TOX2: variants seen among roughly 807,000 people sequenced by gnomAD.
The protein encoded by TOX2 is TOX high mobility group box family member 2.
A neutral mutation model predicts 47.4 loss-of-function variants in TOX2; 15 were observed. The ratio of observed to expected loss-of-function variants is 0.32; its 90% CI spans 0.21 to 0.49. The LOEUF (loss-of-function observed/expected upper bound fraction) is 0.49, where lower values mean the gene tolerates loss of function less well. Among genes scored for constraint, TOX2 ranks in the 20% least tolerant of loss-of-function variants. The probability of loss-of-function intolerance (pLI) is 0.99; values close to 1 mark genes in which losing one functional copy is unlikely to be tolerated. For missense variants in TOX2, 622 were observed against 673.1 expected, an observed-to-expected ratio of 0.92 and a Z score of 0.84; for synonymous variants, 290 against 296.6, an observed-to-expected ratio of 0.98 and a Z score of 0.23.
chr20:44,033,889 C>CTCTTCTG (rs1304471755), intron 3 of TOX2, among the ~76,000 whole-genome samples: 11 of 152,176 alleles, frequency 7.2e-5, no homozygotes, highest in Non-Finnish European at 1.5e-4. Flanking sequence ...AACTAATACA[C>CTCTTCTG]AGAGTCTCTG....
In TOX2 at chr20:44,006,422, T is replaced by C; in HGVS notation, c.166-125T>C. On this transcript the variant is annotated intron_variant, in intron 2 of 8. Coordinates refer to ENST00000341197, the MANE Select transcript of TOX2 (RefSeq NM_001098797.2). ...CTTGACCCTCTGCCTTGCAGAAACATCATCCCTTCTCTCCTTTGCCAAGGG... is the reference window on the plus strand; with the variant it reads ...CTTGACCCTCTGCCTTGCAGAAACACCATCCCTTCTCTCCTTTGCCAAGGG... 2.1e-6 allele frequency: 3 copies of C among 1,443,746 alleles called. No homozygotes were observed. The South Asian group carries it at 4.0e-5, about 19-fold the overall frequency. The allele number at this position is 1,443,746 out of a possible 1,614,324, so 89.4% of individuals were successfully genotyped here.
intron 1 of TOX2, among the ~76,000 whole-genome samples, chr20:43,959,337 C>T (rs555940504): frequency 6.6e-6 from 1 of 152,254 alleles, no homozygotes; most frequent in African/African-American, 2.4e-5. Context: ...GTCCAAAGGC[C>T]GACGTTGAGA....
chr20:43,934,160 AGAGAGAGAC>A lies in TOX2; in HGVS notation c.99+19171_99+19179del, dbSNP rs1442315743. On this transcript the variant is annotated intron_variant, in intron 1 of 8. Coordinates refer to ENST00000341197, the MANE Select transcript of TOX2 (RefSeq NM_001098797.2). ...AGGAGAGAGAGAGAGAGAGAGAGAGAGAGAGAGACCTGCCCTCAGTCAGAAATGGCAGAA... is the reference window on the plus strand; with the variant it reads ...AGGAGAGAGAGAGAGAGAGAGAGAGACTGCCCTCAGTCAGAAATGGCAGAA... Among the ~76,000 whole-genome samples the A allele has an allele frequency of 2.1e-4, 31 of 150,634 alleles. 1 individual carries two copies. The East Asian group carries it at 5.9e-3, about 29-fold the overall frequency.
intron 1 of TOX2, among the ~76,000 whole-genome samples, chr20:43,941,194 T>C (rs2069397826): frequency 6.6e-6 from 1 of 152,088 alleles, no homozygotes; most frequent in South Asian, 2.1e-4. Context: ...TTTGGGCTGT[T>C]GTGGGTTACC....
chr20:44,032,442 G>A (rs969876285), intron 3 of TOX2, among the ~76,000 whole-genome samples: 17 of 152,200 alleles, frequency 1.1e-4, no homozygotes, highest in African/African-American at 4.1e-4. Context: ...AAAATGCACT[G>A]AGCTAGAAGA....
At chr20:43,945,718 A>C in intron 1 of TOX2, 1 of 750,490 alleles carries the variant, frequency 1.3e-6, no homozygotes, top group Non-Finnish European at 2.0e-6. Flanking sequence ...AGGAGCTCCG[A>C]ACACGCAGGC....
At chr20:44,047,020 A>G in intron 3 of TOX2, among the ~76,000 whole-genome samples, 1 of 152,370 alleles carries the variant, frequency 6.6e-6, no homozygotes, top group East Asian at 1.9e-4. Context: ...TTGATAACAA[A>G]GGATACATTA....
At chr20:43,952,907 G>A (rs6031255) in intron 1 of TOX2, among the ~76,000 whole-genome samples, 37,074 of 151,880 alleles carry the variant, frequency 0.24, 4,775 homozygotes, top group Admixed American at 0.35. Flanking sequence ...AAGGGGCTCT[G>A]CAGATGTGAT....
At chr20:44,016,711 GA>G (rs1272395069) in intron 3 of TOX2, among the ~76,000 whole-genome samples, 1 of 152,170 alleles carries the variant, frequency 6.6e-6, no homozygotes, top group Admixed American at 6.5e-5. Context: ...TCGCTCTGCT[GA>G]GAAGGCTGTT....
At chr20:44,047,271 G>A (rs569592349) in intron 3 of TOX2, among the ~76,000 whole-genome samples, 12 of 152,248 alleles carry the variant, frequency 7.9e-5, no homozygotes, top group Admixed American at 1.3e-4. Flanking sequence ...CCCTCCAGTT[G>A]TCAGAACCAA....
chr20:44,048,388 T>TTATATATATATA (rs11472862), intron 3 of TOX2, among the ~76,000 whole-genome samples: 2,220 of 86,608 alleles, frequency 0.026, 151 homozygotes, highest in East Asian at 0.028. Flanking sequence ...TAAAATGAAT[T>TTATATATATATA]TATATATATA....
chr20:44,067,178 A>C (rs528220710), intron 8 of TOX2, among the ~76,000 whole-genome samples: 1 of 152,142 alleles, frequency 6.6e-6, no homozygotes, highest in South Asian at 2.1e-4. Flanking sequence ...GTTCCCTAGA[A>C]GCAGAGCCTG....
intron 2 of TOX2, among the ~76,000 whole-genome samples, chr20:43,976,459 A>G (rs1379884024): frequency 6.6e-6 from 1 of 152,230 alleles, no homozygotes; most frequent in African/African-American, 2.4e-5. Context: ...TGAAATAAAC[A>G]CACATCTACT....
chr20:44,046,879 C>T (rs1320636430), intron 3 of TOX2, among the ~76,000 whole-genome samples: 1 of 152,136 alleles, frequency 6.6e-6, no homozygotes, highest in African/African-American at 2.4e-5. Flanking sequence ...GTCTCTATAA[C>T]AAACCTTCAC....
Position 44,065,721 on chromosome 20 carries a change from G to T in TOX2, c.970G>T (p.Asp324Tyr). The change falls in exon 7 of 9, where the codon GAT becomes TAT. Residue 324 changes from aspartate to tyrosine, a missense_variant. This residue lies in a region of TOX2 where 294 missense variants were observed against 300.0 expected (regional missense o/e 0.98). Transcript: ENST00000341197. ...RASLVSKSSP[D>Y]QGETKSTQAN... ...ATCTGTCTCCTTCCAGAGCTCCCCA[G>T]ATCAAGGTGAGACCAAGAGCACTCA... 1 of 1,586,030 alleles carries T rather than the reference G, an allele frequency of 6.3e-7. No individual in the cohort carries two copies. Among genetic ancestry groups the T allele is most frequent in the East Asian group, 2.3e-5 (1 of 44,338 alleles).
At chr20:44,065,006 C>A in intron 6 of TOX2, 149 bp downstream of exon 6, 1 of 665,548 alleles carries the variant, frequency 1.5e-6, no homozygotes, top group Non-Finnish European at 2.5e-6. Context: ...AGGGCACCTA[C>A]AGCATGCCAG....
At chr20:44,021,839 T>C (rs1306632371) in intron 3 of TOX2, among the ~76,000 whole-genome samples, 1 of 151,944 alleles carries the variant, frequency 6.6e-6, no homozygotes, top group Non-Finnish European at 1.5e-5. Context: ...TTTCCCTGTG[T>C]TGCCCAGGCT....
intron 1 of TOX2, among the ~76,000 whole-genome samples, chr20:43,947,385 A>T (rs952537997): frequency 6.6e-6 from 1 of 152,248 alleles, no homozygotes; most frequent in Non-Finnish European, 1.5e-5. Flanking sequence ...ACTGTGTAAC[A>T]CTTTGCCTGG....
intron 2 of TOX2, among the ~76,000 whole-genome samples, chr20:44,000,895 C>T (rs956505341): frequency 2.0e-5 from 3 of 152,012 alleles, no homozygotes; most frequent in African/African-American, 7.3e-5. Context: ...TCAAATTCCA[C>T]TGATAAGGTC....
Sources: allele counts gnomAD v4.1 joint callset (sites outside exome capture counted in the v4.1 genomes callset), GRCh38; gene constraint gnomAD v4.1.1; regional missense constraint gnomAD v4.1.1; transcripts MANE v1.5; gene names NCBI Gene and HGNC (gene_info 2026-07-23, HGNC 2026-07-21).